The following WDR41 variants were observed in gnomAD, a reference collection of about 807,000 sequenced individuals.
WDR41 encodes WD repeat-containing protein 41.
A neutral mutation model predicts 69.3 loss-of-function variants in WDR41; 63 were observed. The observed-to-expected ratio is 0.91, with a 90% confidence interval of 0.74 to 1.12. The LOEUF (loss-of-function observed/expected upper bound fraction) is 1.12, where lower values mean the gene tolerates loss of function less well. Among genes scored for constraint, WDR41 ranks in the 50% most tolerant of loss-of-function variants. The pLI is 0.00. For synonymous variants in WDR41, 185 were observed against 192.1 expected, an observed-to-expected ratio of 0.96 and a Z score of 0.31; for missense variants, 543 against 534.5, an observed-to-expected ratio of 1.02 and a Z score of -0.16.
At chr5:77,434,018 G>A (rs1448326585) in intron 12 of WDR41, among the ~76,000 whole-genome samples, 2 of 152,108 alleles carry the variant, frequency 1.3e-5, no homozygotes, top group South Asian at 2.1e-4. Flanking sequence ...TGAGGTCCTC[G>A]AAGGAAAGGG....
chr5:77,494,310 C>T (rs1326460406), upstream of WDR41, among the ~76,000 whole-genome samples: 1 of 151,902 alleles, frequency 6.6e-6, no homozygotes, highest in Admixed American at 6.6e-5. Context: ...AGAAATTCCT[C>T]TTTATCAGTA....
chr5:77,461,696 G>A (rs1209784051), intron 4 of WDR41, among the ~76,000 whole-genome samples: 2 of 152,062 alleles, frequency 1.3e-5, no homozygotes, highest in Non-Finnish European at 2.9e-5. Flanking sequence ...AAATTAGCCG[G>A]ACGTGGTGGC....
At chr5:77,573,993 GT>G (rs1312752876) in intron 1 of WDR41, among the ~76,000 whole-genome samples, 1 of 152,002 alleles carries the variant, frequency 6.6e-6, no homozygotes, top group Non-Finnish European at 1.5e-5. Flanking sequence ...TTTACAACAA[GT>G]TCCCTTTCAA....
intron 1 of WDR41, among the ~76,000 whole-genome samples, chr5:77,576,369 A>T (rs993792610): frequency 6.6e-6 from 1 of 152,094 alleles, no homozygotes; most frequent in Non-Finnish European, 1.5e-5. Context: ...TAAGTTCCTC[A>T]AAATATGGCT....
At chr5:77,466,495 T>C (rs1800313056) in intron 2 of WDR41, among the ~76,000 whole-genome samples, 1 of 151,890 alleles carries the variant, frequency 6.6e-6, no homozygotes, top group Non-Finnish European at 1.5e-5. Context: ...AAATTGCATT[T>C]AGAAGACAGC....
chr5:77,610,623 C>G (rs1234953157), intron 1 of WDR41, among the ~76,000 whole-genome samples: 1 of 152,022 alleles, frequency 6.6e-6, no homozygotes, highest in Non-Finnish European at 1.5e-5. Flanking sequence ...TTTGTCACCA[C>G]CAGGCCTGCC....
intron 1 of WDR41, among the ~76,000 whole-genome samples, chr5:77,502,560 C>T (rs1341784490): frequency 2.6e-5 from 4 of 152,160 alleles, no homozygotes; most frequent in Non-Finnish European, 1.5e-5. Context: ...CCCCAAGACA[C>T]ATAATTATCA....
At chr5:77,580,117 G>A (rs73127918) in intron 1 of WDR41, among the ~76,000 whole-genome samples, 15,619 of 152,170 alleles carry the variant, frequency 0.1, 1,685 homozygotes, top group East Asian at 0.26. Flanking sequence ...GAAATTAAAC[G>A]AGTATAAATC....
chr5:77,507,549 C>T (rs919902098), intron 1 of WDR41, among the ~76,000 whole-genome samples: 1 of 152,216 alleles, frequency 6.6e-6, no homozygotes, highest in East Asian at 1.9e-4. Flanking sequence ...CTCACCTCAT[C>T]GCCTACCTAT....
chr5:77,554,185 C>T (rs142527181), intron 1 of WDR41, among the ~76,000 whole-genome samples: 8 of 152,280 alleles, frequency 5.3e-5, no homozygotes, highest in African/African-American at 1.9e-4. Flanking sequence ...CCAAAAGTTA[C>T]ACACTACATT....
chr5:77,590,389 A>T (rs1034042050), intron 1 of WDR41, among the ~76,000 whole-genome samples: 5 of 152,204 alleles, frequency 3.3e-5, no homozygotes, highest in Non-Finnish European at 7.3e-5. Flanking sequence ...AGTTATTAAG[A>T]CATACAACGC....
chr5:77,501,420 C>G (rs1446429181), intron 1 of WDR41, among the ~76,000 whole-genome samples: 3 of 152,272 alleles, frequency 2.0e-5, no homozygotes, highest in Non-Finnish European at 2.9e-5. Flanking sequence ...GGCCTACTGC[C>G]TCTATAGACT....
chr5:77,468,574 C>T (rs1011425164), intron 2 of WDR41, among the ~76,000 whole-genome samples: 1 of 152,164 alleles, frequency 6.6e-6, no homozygotes, highest in African/African-American at 2.4e-5. Flanking sequence ...ATAGTTCTTA[C>T]TCATGTGAAG....
intron 1 of WDR41, chr5:77,582,415 G>C: frequency 6.2e-7 from 1 of 1,609,994 alleles, no homozygotes; most frequent in Non-Finnish European, 8.5e-7. Flanking sequence ...GGTTCCTGCT[G>C]TGCCAGAAAC....
At chr5:77,527,708 C>T (rs375106592) in intron 1 of WDR41, among the ~76,000 whole-genome samples, 14 of 151,832 alleles carry the variant, frequency 9.2e-5, no homozygotes, top group African/African-American at 2.7e-4. Flanking sequence ...CAAGTCTCCA[C>T]GAATTTCAAA....
chr5:77,471,286 G>C (rs1355227808), intron 2 of WDR41, among the ~76,000 whole-genome samples: 2 of 152,096 alleles, frequency 1.3e-5, no homozygotes, highest in Admixed American at 6.5e-5. Flanking sequence ...AGTGTGTAGA[G>C]GGAAATTTAT....
At chr5:77,502,394 A>C (rs1190462105) in intron 1 of WDR41, among the ~76,000 whole-genome samples, 1 of 152,182 alleles carries the variant, frequency 6.6e-6, no homozygotes, top group Non-Finnish European at 1.5e-5. Flanking sequence ...TCTACGTTTG[A>C]TAGGTGTACC....
chr5:77,512,037 T>C (rs2112173953), intron 1 of WDR41, among the ~76,000 whole-genome samples: 1 of 152,264 alleles, frequency 6.6e-6, no homozygotes, highest in Middle Eastern at 3.4e-3. Flanking sequence ...GTAGCCAGTA[T>C]CTACAGATAC....
At chr5:77,471,379 G>A (rs192124066) in intron 2 of WDR41, among the ~76,000 whole-genome samples, 2,799 of 152,162 alleles carry the variant, frequency 0.018, 61 homozygotes, top group African/African-American at 0.055. Context: ...AGAAAAGCAA[G>A]AGCAAACACA....
Sources: allele counts gnomAD v4.1 joint callset (sites outside exome capture counted in the v4.1 genomes callset), GRCh38; gene constraint gnomAD v4.1.1; transcripts MANE v1.5; gene names NCBI Gene and HGNC (gene_info 2026-07-23, HGNC 2026-07-21).